MYO19: variants seen among roughly 807,000 people sequenced by gnomAD.
MYO19 encodes the protein unconventional myosin-XIX.
Under a neutral mutation model 129.2 loss-of-function variants are expected in MYO19, and 132 were observed. The ratio of observed to expected loss-of-function variants is 1.02; its 90% CI spans 0.89 to 1.18. The LOEUF is 1.18. Among genes scored for constraint, MYO19 ranks in the 50% most tolerant of loss-of-function variants. The pLI, the probability that MYO19 is intolerant of heterozygous loss-of-function variation, is 0.00. For synonymous variants in MYO19, 531 were observed against 477.2 expected, an observed-to-expected ratio of 1.11 and a Z score of -1.47; for missense variants, 1,210 against 1,216.7, an observed-to-expected ratio of 0.99 and a Z score of 0.08.
At chr17:36,538,308 A>G, upstream of MYO19, 1 of 1,613,612 alleles carries the variant, frequency 6.2e-7, no homozygotes, top group Non-Finnish European at 8.5e-7. Flanking sequence ...ATTTCTAATT[A>G]AAGGAGCTCT....
At chr17:36,534,327 G>C (rs1326217031) in intron 1 of MYO19, 3 of 152,270 alleles carry the variant, frequency 2.0e-5, no homozygotes, top group African/African-American at 4.8e-5. Flanking sequence ...GCGTCGTGCC[G>C]CAAACCCAGG....
At chr17:36,528,542 C>A (rs1397204699) in intron 3 of MYO19, among the ~76,000 whole-genome samples, 1 of 151,612 alleles carries the variant, frequency 6.6e-6, no homozygotes, top group East Asian at 1.9e-4. Context: ...ACATGAAGGC[C>A]GCGACAGCTG....
Position 36,496,334 on chromosome 17 carries a change from T to C in MYO19, c.2830A>G (p.Ser944Gly). The C allele has an allele frequency of 6.2e-7, 1 of 1,613,974 alleles. No individual in the cohort carries two copies. Among genetic ancestry groups the C allele is most frequent in the African/African-American group, 1.3e-5 (1 of 75,038 alleles). The change falls in exon 26 of 26, where the codon AGC (serine) becomes GGC (glycine). Residue 944 changes from serine (S) to glycine (G), a missense_variant. Transcript: ENST00000614623. ...AGAATCTGATTAAAGCCTGTAATGC[T>C]GTAGGGTGAAGGTTCAGGGCAGATG... is the stretch of plus-strand genomic sequence containing the variant. The part of the protein sequence containing the change: ...ADICPEPSPY[S>G]ITGFNQILLE...
At chr17:36,530,488 G>T (rs1330221249) in intron 3 of MYO19, among the ~76,000 whole-genome samples, 1 of 125,424 alleles carries the variant, frequency 8.0e-6, no homozygotes, top group Admixed American at 1.0e-4. Context: ...ACGGAGTTTC[G>T]CTCTGTCGCC....
intron 11 of MYO19, among the ~76,000 whole-genome samples, chr17:36,511,761 G>A (rs758318708): frequency 6.6e-5 from 10 of 152,210 alleles, no homozygotes; most frequent in Non-Finnish European, 1.3e-4. Flanking sequence ...TCCTGGGGCA[G>A]CCTGTGGGCC....
Position 36,515,110 on chromosome 17 carries a change from T to C in MYO19, c.617+3A>G, listed in dbSNP as rs754846967. ...CACTAGCCAGGGCAACAGCAGCTAT[T>C]ACCTGTTCAGCTGGAGCTGGATGAA... On this transcript the variant is annotated splice_donor_region_variant and intron_variant, in intron 8 of 25. Coordinates refer to ENST00000614623, the MANE Select transcript of MYO19 (RefSeq NM_001163735.2). 49 of 1,604,998 alleles carry C rather than the reference T, an allele frequency of 3.1e-5. No homozygotes were observed. The highest frequency in any genetic ancestry group is 1.8e-5 in the Non-Finnish European group (21 of 1,175,702).
rs772678636 is a variant in MYO19 at position 36,525,216 on chromosome 17, A to G, written c.414+12T>C. 6.3e-7 allele frequency: 1 copy of G among 1,594,902 alleles called. No homozygotes were observed. The highest frequency in any genetic ancestry group is 1.1e-5 in the South Asian group (1 of 90,518). ...GTCGTGAGTTGACAGGATGGGAAAG[A>G]CGTCTTCCTACCTTTCCAGCACCAC... On this transcript the variant is annotated intron_variant, in intron 6 of 25. Coordinates refer to ENST00000614623, the MANE Select transcript of MYO19 (RefSeq NM_001163735.2).
intron 6 of MYO19, among the ~76,000 whole-genome samples, chr17:36,522,011 C>T (rs1238001665): frequency 1.1e-4 from 10 of 89,812 alleles, no homozygotes; most frequent in African/African-American, 3.9e-4. Context: ...AGCCTGGCAA[C>T]AGAGCAAGAC....
upstream of MYO19, chr17:36,537,046 A>C: frequency 6.8e-7 from 1 of 1,480,800 alleles, no homozygotes; most frequent in Non-Finnish European, 9.1e-7. Context: ...CTAATTACAC[A>C]AGAATGCTGC....
rs200308434 is a variant in MYO19, at chr17:36,509,079, G to C, written c.1214C>G (p.Ser405Trp). 2.6e-4 allele frequency: 413 copies of C among 1,613,760 alleles called. No individual in the cohort carries two copies. The highest frequency in any genetic ancestry group is 3.2e-4 in the Non-Finnish European group (381 of 1,179,812). ...INSSICADTD[S>W]WTTFIGLLDV... ...CTTGCTACCTATGAAAGTGGTCCAC[G>C]AGTCGGTGTCTGCACAGATGCTGCT... The change falls in exon 14 of 26, where the codon TCG (serine) becomes TGG (tryptophan). Residue 405 changes from serine (S) to tryptophan (W), a missense_variant. Coordinates refer to ENST00000614623, the MANE Select transcript of MYO19 (RefSeq NM_001163735.2).
At chr17:36,535,227 G>A (rs1453678330), upstream of MYO19, 2 of 152,170 alleles carry the variant, frequency 1.3e-5, no homozygotes, top group East Asian at 2.0e-4. Flanking sequence ...GGAGTGTTGT[G>A]CGAGGCCGGC....
intron 24 of MYO19, chr17:36,498,817 AC>A: frequency 1.7e-6 from 1 of 593,270 alleles, no homozygotes; most frequent in Non-Finnish European, 3.0e-6. Flanking sequence ...ATGCCATAAA[AC>A]CCAGTCTTCT....
intron 3 of MYO19, among the ~76,000 whole-genome samples, chr17:36,529,460 A>C (rs2073692801): frequency 6.6e-6 from 1 of 152,198 alleles, no homozygotes; most frequent in African/African-American, 2.4e-5. Context: ...TTGAAGGAAG[A>C]GGTCTGTGAT....
At chr17:36,509,020 C>A in intron 14 of MYO19, 42 bp downstream of exon 14, 1 of 1,578,040 alleles carries the variant, frequency 6.3e-7, no homozygotes, top group Non-Finnish European at 8.7e-7. Context: ...GGCTTTATTG[C>A]TCTTTTTCTG....
chr17:36,509,752 C>T (rs1186330313), intron 13 of MYO19: 1 of 152,812 alleles, frequency 6.5e-6, no homozygotes, highest in African/African-American at 2.4e-5. Context: ...ACTTTTTTCC[C>T]TTCAGTAAAT....
At chr17:36,536,704 G>T (rs573810422), upstream of MYO19, among the ~76,000 whole-genome samples, 5 of 151,742 alleles carry the variant, frequency 3.3e-5, no homozygotes, top group South Asian at 2.1e-4. Context: ...TAGTAGAGAC[G>T]GGCTTTCACC....
chr17:36,543,330 T>TAA (rs2074209742), exon 1 of MYO19: 1 of 151,706 alleles, frequency 6.6e-6, no homozygotes, highest in South Asian at 2.1e-4. Flanking sequence ...TAATTTTGTA[T>TAA]TTTTAGTAGA....
intron 3 of MYO19, 55 bp downstream of exon 3, chr17:36,532,472 G>A (rs1304498910): frequency 1.3e-6 from 2 of 1,550,062 alleles, no homozygotes; most frequent in Non-Finnish European, 1.7e-6. Flanking sequence ...GTTAGGGCTA[G>A]CAACAGATGC....
At position 36,515,093 on chromosome 17, in the gene MYO19, AG is replaced by A. The variant is rs770721592; in HGVS notation, c.617+19del. ...CCCCAGTCCCATCCTCCCACTAGCCAGGGCAACAGCAGCTATTACCTGTTCA... is the reference window on the plus strand; with the variant it reads ...CCCCAGTCCCATCCTCCCACTAGCCAGGCAACAGCAGCTATTACCTGTTCA... On this transcript the variant is annotated intron_variant, in intron 8 of 25. Coordinates refer to ENST00000614623, the MANE Select transcript of MYO19 (RefSeq NM_001163735.2). 12 of 1,594,778 alleles carry A rather than the reference AG, an allele frequency of 7.5e-6. No individual in the cohort carries two copies. In the Admixed American group the frequency reaches 1.9e-4, roughly 26 times the overall value.
Sources: gnomAD v4.1 joint callset for allele counts (sites outside exome capture counted in the v4.1 genomes callset) on GRCh38, gnomAD v4.1.1 for gene constraint, MANE v1.5 for transcripts, NCBI Gene and HGNC (gene_info 2026-07-23, HGNC 2026-07-21) for gene names.